HPSE2: variants seen among roughly 807,000 people sequenced by gnomAD.
The protein encoded by HPSE2 is heparanase 2 (inactive), also known as inactive heparanase-2.
HPSE2 carries 38 observed loss-of-function variants against 60.5 expected under a neutral mutation model. That is an observed-to-expected ratio of 0.63 (90% CI 0.48 to 0.82). The LOEUF (loss-of-function observed/expected upper bound fraction) is 0.82. Ranked by LOEUF, HPSE2 falls within the 40% of genes least tolerant of loss-of-function variation. The pLI, the probability that HPSE2 is intolerant of heterozygous loss-of-function variation, is 0.00. For missense variants in HPSE2, 713 were observed against 740.4 expected, an observed-to-expected ratio of 0.96 and a Z score of 0.43; for synonymous variants, 295 against 293.2, an observed-to-expected ratio of 1.01 and a Z score of -0.06.
At chr10:98,556,910 T>C (rs973873822) in intron 9 of HPSE2, among the ~76,000 whole-genome samples, 7 of 152,152 alleles carry the variant, frequency 4.6e-5, no homozygotes, top group African/African-American at 2.4e-5. Context: ...TGAAGACTTA[T>C]TATAAAGCTA....
chr10:98,650,228 G>A (rs1381015856), intron 6 of HPSE2, among the ~76,000 whole-genome samples: 1 of 152,178 alleles, frequency 6.6e-6, no homozygotes, highest in Admixed American at 6.5e-5. Flanking sequence ...CTGAGGAAAA[G>A]CCACAAAATG....
At chr10:99,197,190 G>T (rs1260715666) in intron 2 of HPSE2, among the ~76,000 whole-genome samples, 3 of 152,114 alleles carry the variant, frequency 2.0e-5, no homozygotes, top group Non-Finnish European at 4.4e-5. Flanking sequence ...TAAACTCATG[G>T]ACATAGTAAA....
chr10:99,251,436 T>C, the HPSE2 span, among the ~76,000 whole-genome samples: 1 of 62,460 alleles, frequency 1.6e-5, no homozygotes, highest in African/African-American at 3.7e-5. Context: ...CTGGTACCAA[T>C]TCTAGTGAAA....
intron 3 of HPSE2, among the ~76,000 whole-genome samples, chr10:99,134,944 C>G (rs941432120): frequency 7.2e-5 from 11 of 152,128 alleles, no homozygotes; most frequent in African/African-American, 2.7e-4. Context: ...GAGTCAAGAT[C>G]CATCAGTGTG....
At chr10:99,052,785 T>A (rs1325121348) in intron 3 of HPSE2, among the ~76,000 whole-genome samples, 1 of 151,974 alleles carries the variant, frequency 6.6e-6, no homozygotes, top group East Asian at 1.9e-4. Context: ...AAGCAAAAAC[T>A]ATCAACTTAG....
chr10:98,645,975 A>G (rs1946758945), intron 6 of HPSE2, among the ~76,000 whole-genome samples: 1 of 152,232 alleles, frequency 6.6e-6, no homozygotes, highest in Non-Finnish European at 1.5e-5. Context: ...ACTAGGTCTC[A>G]AAACAAAACA....
chr10:99,266,940 G>A, the HPSE2 span, among the ~76,000 whole-genome samples: 5 of 152,142 alleles, frequency 3.3e-5, no homozygotes, highest in African/African-American at 1.2e-4. Context: ...CACATCCCTA[G>A]GGGAAGGGGG....
intron 3 of HPSE2, among the ~76,000 whole-genome samples, chr10:99,116,337 A>C (rs1844690017): frequency 1.3e-5 from 2 of 152,160 alleles, no homozygotes; most frequent in African/African-American, 2.4e-5. Context: ...TGATTCCTTC[A>C]TCTATAAAAA....
intron 4 of HPSE2, among the ~76,000 whole-genome samples, chr10:98,727,330 C>A (rs1949112051): frequency 6.6e-6 from 1 of 152,106 alleles, no homozygotes; most frequent in South Asian, 2.1e-4. Context: ...TTAGACTTGG[C>A]AGTCAAAGAC....
intron 3 of HPSE2, among the ~76,000 whole-genome samples, chr10:99,091,697 T>C (rs2135598845): frequency 6.6e-6 from 1 of 152,344 alleles, no homozygotes; most frequent in South Asian, 2.1e-4. Context: ...CATATTCTTC[T>C]GCCCAGCTGC....
intron 2 of HPSE2, among the ~76,000 whole-genome samples, chr10:99,192,628 G>T (rs1848260965): frequency 6.6e-6 from 1 of 151,968 alleles, no homozygotes; most frequent in African/African-American, 2.4e-5. Context: ...TGTATAGATG[G>T]TGTTTCACCA....
At chr10:99,153,079 C>T (rs573662348) in intron 2 of HPSE2, among the ~76,000 whole-genome samples, 20 of 152,364 alleles carry the variant, frequency 1.3e-4, no homozygotes, top group African/African-American at 2.4e-4. Context: ...GATTATATCC[C>T]GCACATGGCT....
chr10:98,735,085 T>C (rs12415634), intron 4 of HPSE2, among the ~76,000 whole-genome samples: 11,462 of 151,882 alleles, frequency 0.075, 552 homozygotes, highest in East Asian at 0.29. Context: ...CAAAATGTCA[T>C]GTATCCACCA....
At chr10:98,489,773 C>A (rs1941573406) in intron 10 of HPSE2, among the ~76,000 whole-genome samples, 1 of 152,112 alleles carries the variant, frequency 6.6e-6, no homozygotes, top group Admixed American at 6.5e-5. Context: ...AGAAAATGCT[C>A]AATAAAAATG....
At chr10:99,200,452 G>T (rs1471855013) in intron 2 of HPSE2, among the ~76,000 whole-genome samples, 1 of 152,044 alleles carries the variant, frequency 6.6e-6, no homozygotes, top group Non-Finnish European at 1.5e-5. Flanking sequence ...GAGATTTGGG[G>T]TCAAGTGATC....
intron 6 of HPSE2, among the ~76,000 whole-genome samples, chr10:98,674,712 C>G (rs1052224095): frequency 6.6e-6 from 1 of 152,042 alleles, no homozygotes; most frequent in Admixed American, 6.5e-5. Flanking sequence ...GTCAGGAGTT[C>G]GAGACCAGCC....
Position 98,949,332 on chromosome 10 carries a change from C to A in HPSE2, c.610+194906G>T, listed in dbSNP as rs188632515. On this transcript the variant is annotated intron_variant, in intron 3 of 11. Coordinates refer to ENST00000370552, the MANE Select transcript of HPSE2 (RefSeq NM_021828.5). ...GTTAATATAGACCCTTACCCCTCCCCACAATGGATGTAACCCAAGGTGGGC... is the reference window on the plus strand; with the variant it reads ...GTTAATATAGACCCTTACCCCTCCCAACAATGGATGTAACCCAAGGTGGGC... Among the ~76,000 whole-genome samples the A allele has an allele frequency of 2.0e-5, 3 of 152,102 alleles. No individual in the cohort carries two copies. In the South Asian group the frequency reaches 6.2e-4, roughly 31 times the overall value.
At chr10:98,991,359 C>G (rs940883785) in intron 3 of HPSE2, among the ~76,000 whole-genome samples, 1 of 152,084 alleles carries the variant, frequency 6.6e-6, no homozygotes, top group African/African-American at 2.4e-5. Flanking sequence ...ACCACACAGG[C>G]ATCTGAGGGA....
At chr10:98,642,060 A>C (rs372845556) in intron 6 of HPSE2, 120 bp from the exon 7 acceptor site, 5 of 820,168 alleles carry the variant, frequency 6.1e-6, no homozygotes, top group African/African-American at 1.7e-5. Flanking sequence ...TCGGGCTCTC[A>C]TATTCTAAAA....
Sources: allele counts gnomAD v4.1 joint callset (sites outside exome capture counted in the v4.1 genomes callset), GRCh38; gene constraint gnomAD v4.1.1; transcripts MANE v1.5; gene names NCBI Gene and HGNC (gene_info 2026-07-23, HGNC 2026-07-21).